Variants in SIPA1L1 observed in about 807,000 individuals in gnomAD.
SIPA1L1 encodes signal-induced proliferation-associated 1-like protein 1.
A neutral mutation model predicts 162.7 loss-of-function variants in SIPA1L1; 26 were observed. That is an observed-to-expected ratio of 0.16 (90% CI 0.12 to 0.22). The LOEUF is 0.22. Among genes scored for constraint, SIPA1L1 ranks in the 10% least tolerant of loss-of-function variants. The pLI is 1.00. For missense variants in SIPA1L1, 1,874 were observed against 2,241.0 expected, an observed-to-expected ratio of 0.84 and a Z score of 3.31; for synonymous variants, 829 against 837.4, an observed-to-expected ratio of 0.99 and a Z score of 0.17.
intron 10 of SIPA1L1, among the ~76,000 whole-genome samples, chr14:71,663,204 A>C (rs2043694394): frequency 6.6e-6 from 1 of 152,218 alleles, no homozygotes; most frequent in African/African-American, 2.4e-5. Flanking sequence ...TTTACTCAGT[A>C]TATCTAAATA....
rs528234195 is a variant in SIPA1L1, at chr14:71,635,547, A to T, written c.1818+11311A>T. ...AATTGGTAAAACGGTGCATGTAGAT[A>T]TCAACTACATAGATAAAGATATATA... On this transcript the variant is annotated intron_variant, in intron 7 of 23. Transcript: ENST00000381232. Among the ~76,000 whole-genome samples, 3 of 152,336 alleles carry T rather than the reference A, an allele frequency of 2.0e-5. No homozygotes were observed. In the East Asian group the frequency reaches 5.8e-4, roughly 29 times the overall value.
intron 4 of SIPA1L1, among the ~76,000 whole-genome samples, chr14:71,558,641 G>T (rs926050135): frequency 1.3e-5 from 2 of 152,262 alleles, no homozygotes; most frequent in African/African-American, 4.8e-5. Context: ...TTTAGTTTGT[G>T]AATCTAGATA....
At chr14:71,545,424 T>C (rs1335701272) in intron 4 of SIPA1L1, among the ~76,000 whole-genome samples, 2 of 152,202 alleles carry the variant, frequency 1.3e-5, no homozygotes, top group Non-Finnish European at 2.9e-5. Context: ...ATATAGATTT[T>C]CATTAGATAT....
At chr14:71,526,196 A>C (rs1181610174) in intron 3 of SIPA1L1, among the ~76,000 whole-genome samples, 2 of 152,212 alleles carry the variant, frequency 1.3e-5, no homozygotes, top group African/African-American at 4.8e-5. Flanking sequence ...GAAATGTTTT[A>C]CTTTTTTTAT....
intron 22 of SIPA1L1, among the ~76,000 whole-genome samples, chr14:71,737,810 C>T (rs151160970): frequency 0.011 from 1,632 of 152,214 alleles, 20 homozygotes; most frequent in Middle Eastern, 0.024. Flanking sequence ...ACCTGCCTAT[C>T]ACATCAGCTC....
At chr14:71,684,128 G>C (rs749190828) in intron 12 of SIPA1L1, among the ~76,000 whole-genome samples, 2 of 152,200 alleles carry the variant, frequency 1.3e-5, no homozygotes, top group Non-Finnish European at 2.9e-5. Flanking sequence ...GTACTCCTTG[G>C]AGACGTGGGC....
chr14:71,411,533 G>C (rs1340027970), intron 2 of SIPA1L1, among the ~76,000 whole-genome samples: 2 of 152,054 alleles, frequency 1.3e-5, no homozygotes, highest in Non-Finnish European at 2.9e-5. Context: ...CTGATTTCAC[G>C]GGCACCTTGA....
intron 16 of SIPA1L1, among the ~76,000 whole-genome samples, chr14:71,708,643 C>T (rs1410104255): frequency 6.6e-6 from 1 of 152,070 alleles, no homozygotes; most frequent in Non-Finnish European, 1.5e-5. Flanking sequence ...TTCTTTTTTG[C>T]ATGTGAATAT....
At chr14:71,559,142 A>G (rs1412380166) in intron 4 of SIPA1L1, among the ~76,000 whole-genome samples, 3 of 148,348 alleles carry the variant, frequency 2.0e-5, no homozygotes, top group African/African-American at 7.5e-5. Flanking sequence ...ATCTCAGCTC[A>G]TTGCAACCTC....
At chr14:71,455,608 T>C (rs2046132157) in intron 2 of SIPA1L1, among the ~76,000 whole-genome samples, 1 of 152,176 alleles carries the variant, frequency 6.6e-6, no homozygotes, top group South Asian at 2.1e-4. Context: ...CATTATTATT[T>C]AATTTAATTT....
At chr14:71,680,755 C>T (rs574836310) in intron 12 of SIPA1L1, among the ~76,000 whole-genome samples, 11 of 152,166 alleles carry the variant, frequency 7.2e-5, no homozygotes, top group African/African-American at 1.4e-4. Flanking sequence ...ATATCACCAC[C>T]GATCCCACAG....
At chr14:71,473,968 T>C (rs1277699112) in intron 2 of SIPA1L1, among the ~76,000 whole-genome samples, 4 of 152,230 alleles carry the variant, frequency 2.6e-5, no homozygotes, top group African/African-American at 4.8e-5. Flanking sequence ...TGTCCTATTT[T>C]GAATGCAGCT....
chr14:71,542,032 A>G (rs956313323), intron 4 of SIPA1L1, among the ~76,000 whole-genome samples: 10 of 152,114 alleles, frequency 6.6e-5, no homozygotes, highest in South Asian at 2.1e-4. Context: ...CATGGATCCA[A>G]CCTGCTAGAG....
chr14:71,343,330 A>G (rs2035842093), intron 2 of SIPA1L1, among the ~76,000 whole-genome samples: 1 of 152,186 alleles, frequency 6.6e-6, no homozygotes, highest in African/African-American at 2.4e-5. Context: ...GAGCTGTTTC[A>G]TGTCAGGCGC....
intron 2 of SIPA1L1, among the ~76,000 whole-genome samples, chr14:71,409,042 C>A (rs1396293522): frequency 6.6e-6 from 1 of 152,130 alleles, no homozygotes; most frequent in Non-Finnish European, 1.5e-5. Flanking sequence ...GTGTGTTCCC[C>A]CGTGATCCCC....
chr14:71,569,801 A>G (rs546487329), intron 4 of SIPA1L1, among the ~76,000 whole-genome samples: 1 of 152,314 alleles, frequency 6.6e-6, no homozygotes, highest in East Asian at 1.9e-4. Context: ...CACTGTCAGT[A>G]CTTGCCTGAG....
chr14:71,604,680 A>AT (rs1426975584), intron 5 of SIPA1L1, among the ~76,000 whole-genome samples: 71 of 151,394 alleles, frequency 4.7e-4, no homozygotes, highest in East Asian at 5.8e-4. Context: ...TTATTTATTT[A>AT]TTTTTTTTCT....
rs753734075 is a variant in SIPA1L1, at chr14:71,730,252, G to T, written c.4812G>T (p.Ser1604=). 1 of 1,614,072 alleles carries T rather than the reference G, an allele frequency of 6.2e-7. No individual in the cohort carries two copies. ...GCACGTACCCTTCTCTCCCCAAGTC[G>T]CTCCCGTTGAGGAGGCCTTCTTACA... is the stretch of plus-strand genomic sequence containing the variant. ...FSSTYPSLPK[S]LPLRRPSYTL... The change falls in exon 20 of 24, where the codon TCG becomes TCT. Residue 1604 remains serine (S), a synonymous_variant. Coordinates refer to ENST00000381232, the MANE Select transcript of SIPA1L1 (RefSeq NM_001386936.1).
At chr14:71,674,792 C>T (rs2044950297) in intron 12 of SIPA1L1, among the ~76,000 whole-genome samples, 1 of 151,592 alleles carries the variant, frequency 6.6e-6, no homozygotes, top group South Asian at 2.1e-4. Flanking sequence ...TCTCGATCTC[C>T]TGACCTCGTG....
Sources: gnomAD v4.1 joint callset for allele counts (sites outside exome capture counted in the v4.1 genomes callset) on GRCh38, gnomAD v4.1.1 for gene constraint, MANE v1.5 for transcripts, NCBI Gene and HGNC (gene_info 2026-07-23, HGNC 2026-07-21) for gene names.